The following MVP variants were observed in gnomAD, a reference collection of about 807,000 sequenced individuals.
MVP encodes the protein lung resistance-related protein.
A neutral mutation model predicts 83.5 loss-of-function variants in MVP; 62 were observed. The observed-to-expected ratio is 0.74, with a 90% CI of 0.61 to 0.92. The LOEUF (loss-of-function observed/expected upper bound fraction) is 0.92. MVP is among the 40% of genes least tolerant of loss of function. The pLI is 0.00. For synonymous variants in MVP, 505 were observed against 504.1 expected, an observed-to-expected ratio of 1.00 and a Z score of -0.02; for missense variants, 1,000 against 1,203.4, an observed-to-expected ratio of 0.83 and a Z score of 2.50.
chr16:29,823,719 G>T (rs555522572), intron 1 of MVP, among the ~76,000 whole-genome samples: 1 of 151,980 alleles, frequency 6.6e-6, no homozygotes, highest in Non-Finnish European at 1.5e-5. Context: ...GCTAGGCGTG[G>T]TGGTGGGTGC....
chr16:29,846,317 C>T lies in MVP; in HGVS notation c.2265+33C>T, dbSNP rs200011637. The T allele has an allele frequency of 2.9e-3, 4,427 of 1,535,836 alleles. 28 individuals are homozygous for T. Among genetic ancestry groups the T allele is most frequent in the Non-Finnish European group, 2.7e-3 (3,123 of 1,137,118 alleles). ...GGGGGAGGCATTAAGAAGAGGGTGGCCTTGAGTCCTGGAAAAGGCCCATTC... is the reference window on the plus strand; with the variant it reads ...GGGGGAGGCATTAAGAAGAGGGTGGTCTTGAGTCCTGGAAAAGGCCCATTC... On this transcript the variant is annotated intron_variant, in intron 13 of 14. Coordinates refer to ENST00000357402, the MANE Select transcript of MVP (RefSeq NM_005115.5).
rs530159024 is a variant in MVP at position 29,838,887 on chromosome 16, T to C, written c.910-1291T>C. 1.1e-3 allele frequency among the ~76,000 whole-genome samples: 165 copies of C among 152,232 alleles called. 3 individuals carry two copies. The highest frequency in any genetic ancestry group is 2.1e-4 in the Non-Finnish European group (14 of 68,008). On this transcript the variant is annotated intron_variant, in intron 7 of 14. Coordinates refer to ENST00000357402, the MANE Select transcript of MVP (RefSeq NM_005115.5). ...AACATGGATAAAATTGAAAATGTTA[T>C]GCTAAGTGAAAGAAGCCAGCTGGAC...
At position 29,830,869 on chromosome 16, in the gene MVP, T is replaced by C. The variant is rs145100678; in HGVS notation, c.126-9T>C. 4.3e-4 allele frequency: 696 copies of C among 1,606,846 alleles called. 3 individuals carry two copies. The Middle Eastern group carries it at 4.6e-3, about 11-fold the overall frequency. ...CCAGGTCCTCACACCTCTTCTCATC[T>C]TCCTGCAGGGTACTGTTTGCCCCCA... On this transcript the variant is annotated splice_polypyrimidine_tract_variant and intron_variant, in intron 2 of 14. Coordinates refer to ENST00000357402, the MANE Select transcript of MVP (RefSeq NM_005115.5).
intron 7 of MVP, among the ~76,000 whole-genome samples, chr16:29,837,419 G>C (rs2067496889): frequency 1.3e-5 from 2 of 152,202 alleles, no homozygotes; most frequent in Admixed American, 1.3e-4. Flanking sequence ...AAGTACTTGT[G>C]TATCTAGCCA....
chr16:29,831,104 C>G (rs772818184), intron 3 of MVP, 31 bp downstream of exon 3: 2 of 1,589,404 alleles, frequency 1.3e-6, no homozygotes, highest in South Asian at 2.2e-5. Context: ...CTATGCCCCA[C>G]CCTACCTGTC....
chr16:29,824,234 A>AAAC (rs2067389319), intron 1 of MVP, among the ~76,000 whole-genome samples: 1 of 148,416 alleles, frequency 6.7e-6, no homozygotes, highest in Non-Finnish European at 1.5e-5. Context: ...AAAAAAAAAA[A>AAAC]AAAAAAACAG....
In MVP at chr16:29,846,082, C is replaced by T. The variant is rs572593693; in HGVS notation, c.2139-76C>T. 9.8e-5 allele frequency: 157 copies of T among 1,603,892 alleles called. No individual in the cohort carries two copies. The African/African-American group carries it at 1.7e-3, about 18-fold the overall frequency. On this transcript the variant is annotated intron_variant, in intron 12 of 14. Transcript: ENST00000357402. ...GGTGGGGTGTCGATGAGACAGTGCA[C>T]GGCTACAGCATAAGCCAAGGCCGTG...
chr16:29,845,777 G>A (rs558803776), intron 11 of MVP, 86 bp from the exon 12 acceptor site: 19 of 1,209,706 alleles, frequency 1.6e-5, no homozygotes, highest in Admixed American at 1.0e-4. Flanking sequence ...CCTGGGCACC[G>A]GTTTGGTTGG....
chr16:29,831,225 C>T (rs898167680), intron 3 of MVP, 152 bp downstream of exon 3: 17 of 781,468 alleles, frequency 2.2e-5, no homozygotes, highest in Non-Finnish European at 3.0e-5. Flanking sequence ...GGCATAATCT[C>T]GGCTCACTGG....
chr16:29,828,825 G>T (rs2067420937), intron 1 of MVP, among the ~76,000 whole-genome samples: 1 of 152,202 alleles, frequency 6.6e-6, no homozygotes, highest in East Asian at 1.9e-4. Flanking sequence ...TGTATTGCTG[G>T]TCTTCTAATT....
chr16:29,832,984 G>C (rs1388842344), intron 3 of MVP, among the ~76,000 whole-genome samples: 2 of 151,820 alleles, frequency 1.3e-5, no homozygotes, highest in Non-Finnish European at 2.9e-5. Context: ...AGAATTACTT[G>C]AACCTGGGAG....
intron 1 of MVP, chr16:29,820,999 G>T (rs931856664): frequency 2.0e-5 from 3 of 152,262 alleles, no homozygotes; most frequent in Non-Finnish European, 4.4e-5. Flanking sequence ...ATGCAGGGCT[G>T]GGCCAGCTGT....
Position 29,844,814 on chromosome 16 carries a change from C to T in MVP, c.1956C>T (p.Asp652=), listed in dbSNP as rs767493613. 3.8e-5 allele frequency: 61 copies of T among 1,608,286 alleles called. No individual in the cohort carries two copies. Among genetic ancestry groups the T allele is most frequent in the Middle Eastern group, 1.7e-4 (1 of 6,054 alleles). Residue 652 remains aspartate, a synonymous_variant, in exon 11 of 15, where the codon GAC becomes GAT. Coordinates refer to ENST00000357402, the MANE Select transcript of MVP (RefSeq NM_005115.5). ...AGCCTGTGGATCAGAGGACCCGGGA[C>T]GCCCTGCAACGCAGCGTCCAGCTGG... ...SVEPVDQRTR[D]ALQRSVQLAI...
intron 7 of MVP, among the ~76,000 whole-genome samples, chr16:29,838,149 A>G (rs1215171561): frequency 1.3e-5 from 2 of 152,136 alleles, no homozygotes; most frequent in Non-Finnish European, 2.9e-5. Flanking sequence ...AAAAGTAGAA[A>G]TAGGCCAGGC....
At chr16:29,835,561 C>G (rs770269648) in intron 5 of MVP, 143 bp from the exon 6 acceptor site, 1 of 531,672 alleles carries the variant, frequency 1.9e-6, no homozygotes, top group Admixed American at 3.1e-5. Flanking sequence ...ATAAGAGGAC[C>G]GCAGTCAGGA....
intron 12 of MVP, 30 bp from the exon 13 acceptor site, chr16:29,846,128 G>C (rs1038613053): frequency 2.5e-6 from 4 of 1,602,342 alleles, no homozygotes; most frequent in East Asian, 2.2e-5. Flanking sequence ...GCTGTCTCCC[G>C]GGTCTTACCT....
At position 29,830,556 on chromosome 16, in the gene MVP, A is replaced by G; in HGVS notation, c.7A>G (p.Thr3Ala). The change falls in exon 2 of 15, where the codon ACT becomes GCT. Residue 3 changes from threonine to alanine, a missense_variant. By Grantham distance (58) the Thr-to-Ala change is moderately conservative (BLOSUM62 0). Coordinates refer to ENST00000357402, the MANE Select transcript of MVP (RefSeq NM_005115.5). MATEEFIIRIPPY... is the reference protein window; with the variant it reads MAAEEFIIRIPPY... ...CCTGGGCTTAGGAGTCACCATGGCA[A>G]CTGAAGAGTTCATCATCCGCATCCC... The G allele has an allele frequency of 6.2e-7, 1 of 1,613,930 alleles. No homozygotes were observed. Among genetic ancestry groups the G allele is most frequent in the Non-Finnish European group, 8.5e-7 (1 of 1,179,908 alleles).
chr16:29,841,550 C>T lies in MVP; in HGVS notation c.1192-46C>T. On this transcript the variant is annotated intron_variant, in intron 8 of 14. Transcript: ENST00000357402. The surrounding 1 kb of genome is among the most constrained non-coding windows in gnomAD (Gnocchi z 4.7). ...TTGGGACAGCTGGGCGGATCTTCCT[C>T]CCTTCCACCCTTACGGGCAGCTTCC... 1 of 1,526,138 alleles carries T rather than the reference C, an allele frequency of 6.6e-7. No individual in the cohort carries two copies. Among genetic ancestry groups the T allele is most frequent in the Non-Finnish European group, 8.8e-7 (1 of 1,137,668 alleles). 94.5% of individuals were successfully genotyped at this position (1,526,138 alleles called of 1,614,324 possible). A position where few individuals can be genotyped will look rare whatever the true frequency, so the allele number is the denominator to read the frequency against.
At chr16:29,838,365 G>A (rs886975378) in intron 7 of MVP, among the ~76,000 whole-genome samples, 1 of 151,104 alleles carries the variant, frequency 6.6e-6, no homozygotes, top group Non-Finnish European at 1.5e-5. Context: ...GAACCCGGGA[G>A]GCGGAGGTTG....
Sources: allele counts gnomAD v4.1 joint callset (sites outside exome capture counted in the v4.1 genomes callset), GRCh38; gene constraint gnomAD v4.1.1; non-coding constraint Gnocchi (gnomAD v3.1); transcripts MANE v1.5; gene names NCBI Gene and HGNC (gene_info 2026-07-23, HGNC 2026-07-21).